ZNF623: variants seen among roughly 807,000 people sequenced by gnomAD.
ZNF623 encodes zinc finger protein 623.
ZNF623 carries 16 observed loss-of-function variants against 24.0 expected under a neutral mutation model. That is an observed-to-expected ratio of 0.67 (90% confidence interval 0.45 to 1.01). The LOEUF (loss-of-function observed/expected upper bound fraction) is 1.01. Among genes scored for constraint, ZNF623 ranks in the 50% least tolerant of loss-of-function variants. ZNF623 has a pLI of 0.00. For missense variants in ZNF623, 566 were observed against 606.5 expected, an observed-to-expected ratio of 0.93 and a Z score of 0.70; for synonymous variants, 224 against 219.8, an observed-to-expected ratio of 1.02 and a Z score of -0.17.
In ZNF623 at chr8:143,636,041, G is replaced by C. The variant is rs894137901; in HGVS notation, c.-200G>C. On this transcript the variant is annotated 5_prime_UTR_variant, in exon 1 of 2. Transcript: ENST00000526926. ...CGCGACTTCCGGTCGCGGCGGGCTG[G>C]CGGCGGTGCAGGCTTTGTCGGCTGA... 1.3e-5 allele frequency: 2 copies of C among 152,554 alleles called. No homozygotes were observed. The highest frequency in any genetic ancestry group is 2.9e-5 in the Non-Finnish European group (2 of 68,320). 9.5% of individuals were successfully genotyped at this position (152,554 alleles called of 1,614,324 possible).
chr8:143,650,017 G>T lies in ZNF623; in HGVS notation c.25G>T (p.Glu9Ter). ...GATGGAGCTCCCCTCTCCCGAGTCTGAGGAAGTCCACGAGCCCAGATTAGG... is the reference window on the plus strand; with the variant it reads ...GATGGAGCTCCCCTCTCCCGAGTCTTAGGAAGTCCACGAGCCCAGATTAGG... MELPSPESEEVHEPRLGEL... is the reference protein window; with the variant it reads MELPSPES The change falls in exon 2 of 2, where the codon GAG becomes TAG. Residue 9 changes from glutamate to a stop codon, truncating the protein, a stop_gained. Coordinates refer to ENST00000526926, the MANE Select transcript of ZNF623 (RefSeq NM_001261843.2). LOFTEE classifies it low-confidence loss of function (END_TRUNC). The surrounding 1 kb of genome is among the most constrained non-coding windows in gnomAD (Gnocchi z 5.2). 6.2e-7 allele frequency: 1 copy of T among 1,614,200 alleles called. No individual in the cohort carries two copies. The highest frequency in any genetic ancestry group is 8.5e-7 in the Non-Finnish European group (1 of 1,180,032).
rs914199511 is a variant in ZNF623, at chr8:143,649,893, T to C, written c.-95-5T>C. On this transcript the variant is annotated splice_region_variant and splice_polypyrimidine_tract_variant and intron_variant, in intron 1 of 1. Transcript: ENST00000526926. ...GAAAGATGATTTTGTTGTCTTTTGT[T>C]TCAGATTCTAATGTAGGAACTGGTG... 1 of 1,602,172 alleles carries C rather than the reference T, an allele frequency of 6.2e-7. No individual in the cohort carries two copies. Among genetic ancestry groups the C allele is most frequent in the Middle Eastern group, 1.7e-4 (1 of 5,992 alleles).
chr8:143,650,019 G>A lies in ZNF623; in HGVS notation c.27G>A (p.Glu9=), dbSNP rs1344996077. MELPSPES[E]EVHEPRLGEL... is the part of the protein sequence containing the mutation. ...TGGAGCTCCCCTCTCCCGAGTCTGA[G>A]GAAGTCCACGAGCCCAGATTAGGGG... The change falls in exon 2 of 2, where the codon GAG becomes GAA. Residue 9 remains glutamate, a synonymous_variant. Transcript: ENST00000526926. The surrounding 1 kb of genome is among the most constrained non-coding windows in gnomAD (Gnocchi z 5.2). The A allele has an allele frequency of 6.2e-7, 1 of 1,614,206 alleles. No homozygotes were observed. Among genetic ancestry groups the A allele is most frequent in the Admixed American group, 1.7e-5 (1 of 60,026 alleles).
intron 1 of ZNF623, among the ~76,000 whole-genome samples, chr8:143,645,420 A>C (rs1815155172): frequency 8.3e-6 from 1 of 119,994 alleles, no homozygotes; most frequent in Non-Finnish European, 1.9e-5. Context: ...CAACAGATCG[A>C]GACTCCATCT....
At chr8:143,646,374 A>G (rs1435612355) in intron 1 of ZNF623, among the ~76,000 whole-genome samples, 2 of 152,122 alleles carry the variant, frequency 1.3e-5, no homozygotes, top group African/African-American at 4.8e-5. Context: ...TTATGTATGC[A>G]TGATTAGAAC....
At chr8:143,639,149 C>T (rs1012026264) in intron 1 of ZNF623, among the ~76,000 whole-genome samples, 1 of 151,976 alleles carries the variant, frequency 6.6e-6, no homozygotes, top group African/African-American at 2.4e-5. Context: ...GCCTCGGCCT[C>T]CCAAAGTGCT....
intron 1 of ZNF623, 186 bp from the exon 2 acceptor site, chr8:143,649,710 AAG>A (rs1815250200): frequency 1.5e-6 from 1 of 658,328 alleles, no homozygotes; most frequent in Non-Finnish European, 2.6e-6. Context: ...TGGAGCCACA[AAG>A]AAGCCATCTT....
chr8:143,637,147 T>TA (rs1814942905), intron 1 of ZNF623, among the ~76,000 whole-genome samples: 2 of 152,224 alleles, frequency 1.3e-5, no homozygotes, highest in Admixed American at 6.5e-5. Context: ...TTACGCTTCT[T>TA]ACCTCCCTGA....
chr8:143,643,670 T>C (rs540905394), intron 1 of ZNF623, among the ~76,000 whole-genome samples: 1 of 152,356 alleles, frequency 6.6e-6, no homozygotes, highest in African/African-American at 2.4e-5. Context: ...TGAACACCAT[T>C]GCAGCTTACA....
At position 143,650,824 on chromosome 8, in the gene ZNF623, C is replaced by G; in HGVS notation, c.832C>G (p.Pro278Ala). 1 of 1,614,194 alleles carries G rather than the reference C, an allele frequency of 6.2e-7. No individual in the cohort carries two copies. ...EHQRIHTGER[P>A]FECNECGKAF... ...CCAGAGAATTCACACCGGAGAGAGA[C>G]CCTTTGAATGCAATGAGTGTGGGAA... is the stretch of plus-strand genomic sequence containing the variant. The change falls in exon 2 of 2, where the codon CCC (proline) becomes GCC (alanine). Residue 278 changes from proline (P) to alanine (A), a missense_variant. Coordinates refer to ENST00000526926, the MANE Select transcript of ZNF623 (RefSeq NM_001261843.2). This position sits in a 1 kb window ranked among gnomAD's most constrained non-coding sequence, Gnocchi z 5.2.
Position 143,650,504 on chromosome 8 carries a change from A to G in ZNF623, c.512A>G (p.Gln171Arg), listed in dbSNP as rs1213052784. 6 of 1,614,114 alleles carry G rather than the reference A, an allele frequency of 3.7e-6. No individual in the cohort carries two copies. Among genetic ancestry groups the G allele is most frequent in the Admixed American group, 3.3e-5 (2 of 60,002 alleles). Reference protein sequence around the residue: ...HSGEKPFKCAQCGKAFCHSSD... With the variant: ...HSGEKPFKCARCGKAFCHSSD... ...GGAGAAAAGCCCTTCAAATGTGCGC[A>G]GTGTGGGAAGGCGTTTTGTCACAGT... is the stretch of plus-strand genomic sequence containing the variant. Residue 171 changes from glutamine (Q) to arginine (R), a missense_variant, in exon 2 of 2, where the codon CAG becomes CGG. Around this residue, in one of 3 missense-constraint regions of ZNF623, gnomAD observed 313 missense variants for 300.4 expected, o/e 1.04. Transcript: ENST00000526926. This position sits in a 1 kb window ranked among gnomAD's most constrained non-coding sequence, Gnocchi z 5.2.
chr8:143,640,503 A>G (rs1306000770), intron 1 of ZNF623, among the ~76,000 whole-genome samples: 1 of 152,268 alleles, frequency 6.6e-6, no homozygotes, highest in African/African-American at 2.4e-5. Context: ...ATTAGAGTCA[A>G]GCCTCTCAAA....
At chr8:143,643,682 C>A (rs1013522564) in intron 1 of ZNF623, among the ~76,000 whole-genome samples, 1 of 152,232 alleles carries the variant, frequency 6.6e-6, no homozygotes, top group African/African-American at 2.4e-5. Flanking sequence ...CAGCTTACAT[C>A]CTTCCACCAG....
At chr8:143,648,474 C>G (rs542254795) in intron 1 of ZNF623, among the ~76,000 whole-genome samples, 2 of 151,948 alleles carry the variant, frequency 1.3e-5, no homozygotes, top group African/African-American at 4.8e-5. Context: ...GGTGGGGGCT[C>G]TTTGAATGGG....
chr8:143,640,040 C>A (rs1346601256), intron 1 of ZNF623, among the ~76,000 whole-genome samples: 1 of 152,206 alleles, frequency 6.6e-6, no homozygotes, highest in Admixed American at 6.5e-5. Context: ...ACATTGGCTA[C>A]CCAAGTGTCC....
intron 1 of ZNF623, 83 bp from the exon 2 acceptor site, chr8:143,649,815 A>G (rs1815251846): frequency 2.0e-6 from 3 of 1,519,914 alleles, no homozygotes; most frequent in African/African-American, 2.8e-5. Flanking sequence ...CACCTCTTGG[A>G]TATGGATTTT....
Position 143,652,407 on chromosome 8 carries a change from G to T in ZNF623, c.*924G>T, listed in dbSNP as rs1815350627. ...GTGTAATTGGCATCTCTCTTGCTTT[G>T]TCCTTTCTATACTGCCATTCTAAAA... On this transcript the variant is annotated 3_prime_UTR_variant, in exon 2 of 2. Coordinates refer to ENST00000526926, the MANE Select transcript of ZNF623 (RefSeq NM_001261843.2). 6.0e-6 allele frequency: 1 copy of T among 166,956 alleles called. No homozygotes were observed. The highest frequency in any genetic ancestry group is 2.1e-4 in the South Asian group (1 of 4,822). The allele number at this position is 166,956 out of a possible 1,614,324, so 10.3% of individuals were successfully genotyped here.
intron 1 of ZNF623, among the ~76,000 whole-genome samples, chr8:143,638,875 A>G (rs1188527802): frequency 6.6e-6 from 1 of 151,706 alleles, no homozygotes; most frequent in Non-Finnish European, 1.5e-5. Context: ...AGAAACCAAC[A>G]TCTCCACCCC....
At position 143,651,519 on chromosome 8, in the gene ZNF623, A is replaced by G. The variant is rs1815321234; in HGVS notation, c.*36A>G. On this transcript the variant is annotated 3_prime_UTR_variant, in exon 2 of 2. Transcript: ENST00000526926. ...TTCCCGCCCAGTGAGTGATGTTTGG[A>G]AATGCGTGGAATTAGGATTCATGTG... 1 of 1,525,980 alleles carries G rather than the reference A, an allele frequency of 6.6e-7. No individual in the cohort carries two copies. 94.5% of individuals were successfully genotyped at this position (1,525,980 alleles called of 1,614,324 possible).
Sources: allele counts gnomAD v4.1 joint callset (sites outside exome capture counted in the v4.1 genomes callset), GRCh38; gene constraint gnomAD v4.1.1; regional missense constraint gnomAD v4.1.1; non-coding constraint Gnocchi (gnomAD v3.1); transcripts MANE v1.5; gene names NCBI Gene and HGNC (gene_info 2026-07-23, HGNC 2026-07-21).